Variants in AWAT1 observed in about 807,000 individuals in gnomAD.
AWAT1 encodes the protein acyl-CoA wax alcohol acyltransferase 1.
Under a neutral mutation model 21.6 loss-of-function variants are expected in AWAT1, and 26 were observed. The observed-to-expected ratio is 1.20, with a 90% confidence interval of 0.88 to 1.67. The LOEUF is 1.67. Among genes scored for constraint, AWAT1 ranks in the 40% most tolerant of loss-of-function variants. The probability of loss-of-function intolerance (pLI) is 0.00; values close to 1 mark genes in which losing one functional copy is unlikely to be tolerated. For synonymous variants in AWAT1, 102 were observed against 99.3 expected (o/e 1.03, Z -0.16); for missense variants, 264 against 249.4 (o/e 1.06, Z -0.39).
Position 70,240,148 on chromosome X carries a change from T to C in AWAT1, c.845T>C (p.Leu282Pro), listed in dbSNP as rs1213921125. 3.3e-6 allele frequency: 4 copies of C among 1,211,431 alleles called. No individual in the cohort carries two copies. The highest frequency in any genetic ancestry group is 4.5e-6 in the Non-Finnish European group (4 of 895,310). Residue 282 changes from leucine (L) to proline (P), a missense_variant, in exon 7 of 7, where the codon CTG becomes CCG. Transcript: ENST00000374521. ...TCTCTCTTGGCAGTTGGGGAGCCTC[T>C]GCCACTGCCCCAAATTGAAAAGCCA... ...RPIVTVVGEP[L>P]PLPQIEKPSQ...
At chrX:70,238,167 C>T (rs763245288) in intron 4 of AWAT1, 45 bp from the exon 5 acceptor site, 2 of 1,152,401 alleles carry the variant, frequency 1.7e-6, no homozygotes, top group Admixed American at 2.3e-5. Flanking sequence ...TCCCTCTTAG[C>T]AATTTTCTCC....
Position 70,239,726 on chromosome X carries a change from T to G in AWAT1, c.633-9T>G. The G allele has an allele frequency of 8.3e-7, 1 of 1,205,879 alleles. No individual in the cohort carries two copies. The highest frequency in any genetic ancestry group is 1.8e-5 in the South Asian group (1 of 56,813). The stretch of plus-strand genomic sequence containing the variant: ...TGTGTTTAGAAAATAAATTGGAGTT[T>G]TCCTACAGGGCTCATCTGGTCCCCA... On this transcript the variant is annotated splice_polypyrimidine_tract_variant and intron_variant, in intron 5 of 6. Transcript: ENST00000374521.
chrX:70,239,683 G>C, intron 5 of AWAT1, 52 bp from the exon 6 acceptor site: 1 of 1,052,300 alleles, frequency 9.5e-7, no homozygotes, highest in East Asian at 3.0e-5. Flanking sequence ...TTCTTCCAGG[G>C]TGGGTCTCAT....
intron 5 of AWAT1, among the ~76,000 whole-genome samples, chrX:70,239,496 C>T (rs746110200): frequency 1.8e-5 from 2 of 111,844 alleles, no homozygotes; most frequent in African/African-American, 3.3e-5. Context: ...TGACGCTCCC[C>T]GCCCCCTGGC....
chrX:70,240,346 A>G lies in AWAT1; in HGVS notation c.*56A>G. On this transcript the variant is annotated 3_prime_UTR_variant, in exon 7 of 7. Transcript: ENST00000374521. ...AGTGCCTGCCTTGAAGAAGAGACTC[A>G]TCTGCCACTAACCAAAGACAGGCAG... The G allele has an allele frequency of 8.8e-7, 1 of 1,131,595 alleles. No homozygotes were observed. Among genetic ancestry groups the G allele is most frequent in the African/African-American group, 1.8e-5 (1 of 56,126 alleles). The allele number at this position is 1,131,595 out of a possible 1,213,427, so 93.3% of individuals were successfully genotyped here.
chrX:70,235,734 T>C lies in AWAT1; in HGVS notation c.95T>C (p.Leu32Ser), dbSNP rs753432604. ...YLAIFWILQP[L>S]FVYLLFTSLW... Reference sequence around the variant, plus strand: ...TCATCAGTTTGGATCTTGCAGCCATTGTTCGTCTACCTGCTGTTTACATCC... The same window carrying C: ...TCATCAGTTTGGATCTTGCAGCCATCGTTCGTCTACCTGCTGTTTACATCC... Residue 32 changes from leucine (L) to serine (S), a missense_variant, in exon 2 of 7, where the codon TTG becomes TCG. By Grantham distance (145) the Leu-to-Ser change is moderately radical (BLOSUM62 -2). Transcript: ENST00000374521. The C allele has an allele frequency of 2.5e-6, 3 of 1,210,544 alleles. No homozygotes were observed. The highest frequency in any genetic ancestry group is 3.5e-5 in the South Asian group (2 of 56,930).
chrX:70,235,693 G>A, intron 1 of AWAT1, 23 bp from the exon 2 acceptor site: 2 of 1,138,875 alleles, frequency 1.8e-6, no homozygotes, highest in Non-Finnish European at 2.4e-6. Flanking sequence ...GCACAAATTT[G>A]GTCTAACCTG....
Position 70,238,455 on chromosome X carries a change from T to C in AWAT1, c.632+72T>C, listed in dbSNP as rs2085524609. 2.9e-6 allele frequency: 3 copies of C among 1,019,804 alleles called. No homozygotes were observed. The Admixed American group carries it at 1.0e-4, about 34-fold the overall frequency. The allele number at this position is 1,019,804 out of a possible 1,213,427, so 84.0% of individuals were successfully genotyped here. A position where few individuals can be genotyped will look rare whatever the true frequency, so the allele number is the denominator to read the frequency against. ...CATGACCCTGTCGGTGAGGCCAGGA[T>C]GAATCAGATGTGAATTTTGCCCTCA... On this transcript the variant is annotated intron_variant, in intron 5 of 6. Transcript: ENST00000374521.
At chrX:70,237,609 A>T (rs2085519724) in intron 4 of AWAT1, among the ~76,000 whole-genome samples, 1 of 109,567 alleles carries the variant, frequency 9.1e-6, no homozygotes. Flanking sequence ...AGGTGGGTGG[A>T]TCACCTGAGG....
rs745643992 is a variant in AWAT1 at position 70,239,727 on chromosome X, T to C, written c.633-8T>C. The C allele has an allele frequency of 1.7e-6, 2 of 1,204,582 alleles. No homozygotes were observed. Among genetic ancestry groups the C allele is most frequent in the African/African-American group, 1.8e-5 (1 of 57,140 alleles). ...GTGTTTAGAAAATAAATTGGAGTTT[T>C]CCTACAGGGCTCATCTGGTCCCCAC... On this transcript the variant is annotated splice_region_variant and splice_polypyrimidine_tract_variant and intron_variant, in intron 5 of 6. Coordinates refer to ENST00000374521, the MANE Select transcript of AWAT1 (RefSeq NM_001013579.3).
At chrX:70,238,476 C>T (rs1033510711) in intron 5 of AWAT1, 93 bp downstream of exon 5, 2 of 937,534 alleles carry the variant, frequency 2.1e-6, no homozygotes, top group Non-Finnish European at 2.8e-6. Flanking sequence ...TGAATTTTGC[C>T]CTCAAGGAAC....
chrX:70,236,958 C>A, intron 3 of AWAT1, 86 bp from the exon 4 acceptor site: 2 of 867,691 alleles, frequency 2.3e-6, no homozygotes, highest in Non-Finnish European at 3.3e-6. Flanking sequence ...CTTTAGAGAG[C>A]ACCCTGATCC....
intron 4 of AWAT1, 100 bp from the exon 5 acceptor site, chrX:70,238,112 C>A (rs769690966): frequency 6.9e-6 from 6 of 868,831 alleles, no homozygotes; most frequent in Admixed American, 5.5e-5. Context: ...CTCCTCTCCT[C>A]CTTGGAACTA....
rs2085523348 is a variant in AWAT1 at position 70,238,261 on chromosome X, C to T, written c.510C>T (p.Gly170=). The part of the protein sequence containing the change: ...QPAINYLLSH[G]TGNLVGIVVG... ...CCATCAACTATCTGCTGAGCCATGGCACTGGCAACCTCGTGGGCATTGTAG... is the reference window on the plus strand; with the variant it reads ...CCATCAACTATCTGCTGAGCCATGGTACTGGCAACCTCGTGGGCATTGTAG... Residue 170 remains glycine, a synonymous_variant, in exon 5 of 7, where the codon GGC becomes GGT. Coordinates refer to ENST00000374521, the MANE Select transcript of AWAT1 (RefSeq NM_001013579.3). The T allele has an allele frequency of 2.5e-6, 3 of 1,209,383 alleles. No individual in the cohort carries two copies. Among genetic ancestry groups the T allele is most frequent in the Admixed American group, 4.4e-5 (2 of 45,752 alleles).
intron 4 of AWAT1, 183 bp downstream of exon 4, chrX:70,237,431 G>T: frequency 2.2e-6 from 1 of 450,304 alleles, no homozygotes; most frequent in Non-Finnish European, 3.8e-6. Flanking sequence ...CACTTGTGTG[G>T]TCTTGAGCAA....
chrX:70,239,772 G>A lies in AWAT1; in HGVS notation c.670G>A (p.Glu224Lys). 1.7e-6 allele frequency: 2 copies of A among 1,211,383 alleles called. No homozygotes were observed. The highest frequency in any genetic ancestry group is 2.2e-6 in the Non-Finnish European group (2 of 895,167). The change falls in exon 6 of 7, where the codon GAG (glutamate) becomes AAG (lysine). Residue 224 changes from glutamate to lysine, a missense_variant. Transcript: ENST00000374521. The part of the protein sequence containing the change: ...LVPTFTFGET[E>K]VYDQVLFHKD... ...CCCCACCTTCACTTTTGGGGAAACT[G>A]AGGTGTATGATCAGGTGCTGTTCCA...
chrX:70,237,729 G>A (rs766046017), intron 4 of AWAT1, among the ~76,000 whole-genome samples: 91 of 105,363 alleles, frequency 8.6e-4, no homozygotes, highest in Non-Finnish European at 1.2e-3. Flanking sequence ...CTACTCAGGA[G>A]GCTGAGGCAG....
intron 1 of AWAT1, 54 bp from the exon 2 acceptor site, chrX:70,235,662 C>T: frequency 1.1e-6 from 1 of 892,153 alleles, no homozygotes; most frequent in Non-Finnish European, 1.7e-6. Context: ...TGGGACTGGG[C>T]ATGGTCAAGT....
Position 70,238,326 on chromosome X carries a change from C to G in AWAT1, c.575C>G (p.Thr192Ser). The change falls in exon 5 of 7, where the codon ACC becomes AGC. Residue 192 changes from threonine (T) to serine (S), a missense_variant. Thr to Ser is a moderately conservative substitution (Grantham distance 58). Transcript: ENST00000374521. Reference protein sequence around the residue: ...VGEALQSVPNTTTLILQKRKG... With the variant: ...VGEALQSVPNSTTLILQKRKG... ...GAGGCCCTGCAAAGTGTGCCCAACACCACCACCCTCATCCTCCAGAAGCGC... is the reference window on the plus strand; with the variant it reads ...GAGGCCCTGCAAAGTGTGCCCAACAGCACCACCCTCATCCTCCAGAAGCGC... 7 of 1,209,261 alleles carry G rather than the reference C, an allele frequency of 5.8e-6. No homozygotes were observed. The highest frequency in any genetic ancestry group is 3.0e-5 in the East Asian group (1 of 33,761).
Sources: gnomAD v4.1 joint callset for allele counts (sites outside exome capture counted in the v4.1 genomes callset) on GRCh38, gnomAD v4.1.1 for gene constraint, MANE v1.5 for transcripts, NCBI Gene and HGNC (gene_info 2026-07-23, HGNC 2026-07-21) for gene names.